DPYSL5: variants seen among roughly 807,000 people sequenced by gnomAD.
The protein encoded by DPYSL5 is dihydropyrimidinase-related protein 5.
Under a neutral mutation model 58.4 loss-of-function variants are expected in DPYSL5, and 9 were observed. The ratio of observed to expected loss-of-function variants is 0.15; its 90% confidence interval spans 0.09 to 0.27. DPYSL5 has a LOEUF of 0.27. Among genes scored for constraint, DPYSL5 ranks in the 10% least tolerant of loss-of-function variants. DPYSL5 has a pLI of 1.00. For synonymous variants in DPYSL5, 293 were observed against 301.9 expected (o/e 0.97, Z 0.31); for missense variants, 499 against 770.6 (o/e 0.65, Z 4.17).
At position 26,890,807 on chromosome 2, in the gene DPYSL5, T is replaced by A. The variant is rs147034271; in HGVS notation, c.-4-7689T>A. On this transcript the variant is annotated intron_variant, in intron 1 of 12. Transcript: ENST00000288699. ...TTGTGGTGAGCTCTCTCCTCCCGGC[T>A]GGTCAATAGCTGCCTTCTCACTGTG... Among the ~76,000 whole-genome samples, 342 of 152,322 alleles carry A rather than the reference T, an allele frequency of 2.2e-3. 1 individual carries two copies. Among genetic ancestry groups the A allele is most frequent in the Non-Finnish European group, 3.8e-3 (258 of 68,026 alleles).
chr2:26,914,140 C>A (rs554595025), intron 2 of DPYSL5, among the ~76,000 whole-genome samples: 1 of 152,094 alleles, frequency 6.6e-6, no homozygotes, highest in Admixed American at 6.6e-5. Context: ...ATCTGGGATA[C>A]GGAGTAAAAA....
At chr2:26,870,794 G>A (rs1663244618) in intron 1 of DPYSL5, among the ~76,000 whole-genome samples, 1 of 152,156 alleles carries the variant, frequency 6.6e-6, no homozygotes, top group Admixed American at 6.5e-5. Flanking sequence ...GACTGGCAGA[G>A]GCAGGGAAAG....
intron 2 of DPYSL5, among the ~76,000 whole-genome samples, chr2:26,901,219 C>G (rs1183144360): frequency 6.6e-6 from 1 of 152,174 alleles, no homozygotes; most frequent in East Asian, 1.9e-4. Flanking sequence ...CCAGGCGACC[C>G]TGGCAGCTGG....
chr2:26,905,239 G>A lies in DPYSL5; in HGVS notation c.261+6479G>A, dbSNP rs981002557. ...CCCTGCAGGAATAACTGATGTCAGC[G>A]CCTTAGAGCTAAACAGTTTTTACTA... On this transcript the variant is annotated intron_variant, in intron 2 of 12. Transcript: ENST00000288699. The surrounding 1 kb of genome is among the most constrained non-coding windows in gnomAD (Gnocchi z 4.0). Among the ~76,000 whole-genome samples, 10 of 152,200 alleles carry A rather than the reference G, an allele frequency of 6.6e-5. No individual in the cohort carries two copies. Among genetic ancestry groups the A allele is most frequent in the African/African-American group, 2.2e-4 (9 of 41,456 alleles).
At chr2:26,945,747 C>T (rs1259719986) in intron 12 of DPYSL5, among the ~76,000 whole-genome samples, 5 of 152,208 alleles carry the variant, frequency 3.3e-5, no homozygotes, top group South Asian at 2.1e-4. Flanking sequence ...GGGATGGGTA[C>T]GGCGAGAGGC....
chr2:26,860,714 G>T (rs1665990115), intron 1 of DPYSL5, among the ~76,000 whole-genome samples: 1 of 152,210 alleles, frequency 6.6e-6, no homozygotes, highest in African/African-American at 2.4e-5. Context: ...AATAAGGCAG[G>T]TATTTCTGTT....
chr2:26,946,175 G>A (rs1337766581), intron 12 of DPYSL5, among the ~76,000 whole-genome samples: 2 of 152,170 alleles, frequency 1.3e-5, no homozygotes, highest in African/African-American at 2.4e-5. Flanking sequence ...CCAGACCCAC[G>A]AGAGGCACCA....
intron 1 of DPYSL5, among the ~76,000 whole-genome samples, chr2:26,895,769 CTTTTTCTTTTT>C (rs1298937411): frequency 4.5e-5 from 6 of 133,830 alleles, no homozygotes; most frequent in African/African-American, 1.7e-4. Flanking sequence ...TTCTCTATTT[CTTTTTCTTTTT>C]TTTTTTTTTT....
At chr2:26,913,241 A>T (rs1272540139) in intron 2 of DPYSL5, among the ~76,000 whole-genome samples, 1 of 152,124 alleles carries the variant, frequency 6.6e-6, no homozygotes, top group Non-Finnish European at 1.5e-5. Context: ...AATGAATAAG[A>T]AGTTCCCATT....
chr2:26,912,997 A>AT (rs1212231617), intron 2 of DPYSL5, among the ~76,000 whole-genome samples: 2 of 152,072 alleles, frequency 1.3e-5, no homozygotes, highest in African/African-American at 4.8e-5. Flanking sequence ...TGGCTATGTG[A>AT]TTTTCTCAGG....
At chr2:26,921,328 C>T (rs781608688) in intron 2 of DPYSL5, among the ~76,000 whole-genome samples, 12 of 152,186 alleles carry the variant, frequency 7.9e-5, no homozygotes, top group Non-Finnish European at 1.6e-4. Flanking sequence ...GGTGAAACCC[C>T]GTCTCTAGTG....
In DPYSL5 at chr2:26,870,039, C is replaced by T. The variant is rs933683637; in HGVS notation, c.-5+21785C>T. ...ACAAACAAACAAAAACATAATGTAT[C>T]TTCTTTTTCCATGTTTATTCTGAGG... On this transcript the variant is annotated intron_variant, in intron 1 of 12. Coordinates refer to ENST00000288699, the MANE Select transcript of DPYSL5 (RefSeq NM_020134.4). 2.6e-5 allele frequency among the ~76,000 whole-genome samples: 4 copies of T among 152,214 alleles called. No homozygotes were observed. In the East Asian group the frequency reaches 7.7e-4, roughly 29 times the overall value.
chr2:26,944,570 C>T lies in DPYSL5; in HGVS notation c.1441-86C>T. 4 of 1,476,668 alleles carry T rather than the reference C, an allele frequency of 2.7e-6. No homozygotes were observed. The highest frequency in any genetic ancestry group is 2.6e-5 in the South Asian group (2 of 77,076). The allele number at this position is 1,476,668 out of a possible 1,614,324, so 91.5% of individuals were successfully genotyped here. A position where few individuals can be genotyped will look rare whatever the true frequency, so the allele number is the denominator to read the frequency against. On this transcript the variant is annotated intron_variant, in intron 11 of 12. Coordinates refer to ENST00000288699, the MANE Select transcript of DPYSL5 (RefSeq NM_020134.4). This position sits in a 1 kb window ranked among gnomAD's most constrained non-coding sequence, Gnocchi z 4.4. The stretch of plus-strand genomic sequence containing the variant: ...GGCAGAGTGGCAGTGTCTAATGTCC[C>T]ACCGGCCCCCAGGGAGGCCATGGTT...
Position 26,942,412 on chromosome 2 carries a change from T to C in DPYSL5, c.1233-131T>C, listed in dbSNP as rs1572722680. The C allele has an allele frequency of 2.8e-6, 3 of 1,075,790 alleles. No individual in the cohort carries two copies. Among genetic ancestry groups the C allele is most frequent in the African/African-American group, 1.6e-5 (1 of 63,212 alleles). 66.6% of individuals were successfully genotyped at this position (1,075,790 alleles called of 1,614,324 possible). ...TTCTGAGGTTCTGGGTGTTAGAACT[T>C]CAGCAGAAGAATTTTGAAGGGAGCC... On this transcript the variant is annotated intron_variant, in intron 10 of 12. Coordinates refer to ENST00000288699, the MANE Select transcript of DPYSL5 (RefSeq NM_020134.4). The surrounding 1 kb of genome is among the most constrained non-coding windows in gnomAD (Gnocchi z 5.9).
At chr2:26,888,209 TTTTCTTTCTTTC>T (rs70953832) in intron 1 of DPYSL5, among the ~76,000 whole-genome samples, 1,075 of 105,108 alleles carry the variant, frequency 0.01, 6 homozygotes, top group East Asian at 0.02. Context: ...CTTCCCTTTC[TTTTCTTTCTTTC>T]TTTCTTTCTT....
In DPYSL5 at chr2:26,942,522, CCG is replaced by C. The variant is rs758643408; in HGVS notation, c.1233-19_1233-18del. ...TGACCTGTCCTCAGCGCTTTCTCTC[CCG>C]CCATTGCCTCCCCACCAGGACCATC... is the stretch of plus-strand genomic sequence containing the variant. On this transcript the variant is annotated intron_variant, in intron 10 of 12. Coordinates refer to ENST00000288699, the MANE Select transcript of DPYSL5 (RefSeq NM_020134.4). The surrounding 1 kb of genome is among the most constrained non-coding windows in gnomAD (Gnocchi z 5.9). 10 of 1,608,896 alleles carry C rather than the reference CCG, an allele frequency of 6.2e-6. No individual in the cohort carries two copies. Among genetic ancestry groups the C allele is most frequent in the Admixed American group, 1.7e-5 (1 of 59,244 alleles).
At chr2:26,874,334 G>T (rs1037910168) in intron 1 of DPYSL5, among the ~76,000 whole-genome samples, 7 of 152,126 alleles carry the variant, frequency 4.6e-5, no homozygotes, top group Non-Finnish European at 7.3e-5. Context: ...CCTAACCCAA[G>T]ATCCTAAAGA....
chr2:26,915,274 A>G (rs1318371814), intron 2 of DPYSL5, among the ~76,000 whole-genome samples: 1 of 152,154 alleles, frequency 6.6e-6, no homozygotes, highest in Non-Finnish European at 1.5e-5. Flanking sequence ...AGCCAGGCCT[A>G]CTTACTAAAG....
At chr2:26,882,077 C>G (rs1237157658) in intron 1 of DPYSL5, among the ~76,000 whole-genome samples, 6 of 117,974 alleles carry the variant, frequency 5.1e-5, no homozygotes, top group African/African-American at 2.1e-4. Flanking sequence ...GGTGATAGAG[C>G]GAGACTCCAT....
Sources: gnomAD v4.1 joint callset for allele counts (sites outside exome capture counted in the v4.1 genomes callset) on GRCh38, gnomAD v4.1.1 for gene constraint, Gnocchi (gnomAD v3.1) non-coding constraint, MANE v1.5 for transcripts, NCBI Gene and HGNC (gene_info 2026-07-23, HGNC 2026-07-21) for gene names.